The following WWOX variants were observed in gnomAD, a reference collection of about 807,000 sequenced individuals.
WWOX encodes WW domain-containing oxidoreductase.
In WWOX, 69 loss-of-function variants were observed where a neutral mutation model predicts 46.2. The observed-to-expected ratio is 1.49, with a 90% confidence interval of 1.23 to 1.82. The LOEUF (loss-of-function observed/expected upper bound fraction) is 1.82, where lower values mean the gene tolerates loss of function less well. WWOX is among the 40% of genes most tolerant of loss of function. WWOX has a pLI of 0.00. For synonymous variants in WWOX, 359 were observed against 202.6 expected (o/e 1.77, Z -6.56); for missense variants, 919 against 542.6 (o/e 1.69, Z -6.89).
chr16:78,917,336 C>T (rs1042593073), intron 8 of WWOX, among the ~76,000 whole-genome samples: 3 of 152,168 alleles, frequency 2.0e-5, no homozygotes, highest in East Asian at 1.9e-4. Context: ...TGGTGTCCCA[C>T]ACTCAAATAA....
intron 8 of WWOX, among the ~76,000 whole-genome samples, chr16:78,656,109 A>G (rs1255725650): frequency 6.6e-6 from 1 of 152,194 alleles, no homozygotes; most frequent in Non-Finnish European, 1.5e-5. Context: ...ATGGGGAAGA[A>G]TCAAAATTAT....
chr16:79,152,653 G>C (rs2050303630), intron 8 of WWOX, among the ~76,000 whole-genome samples: 1 of 149,602 alleles, frequency 6.7e-6, no homozygotes, highest in East Asian at 2.0e-4. Context: ...CTTGGCGACA[G>C]AGTGAGTCTC....
chr16:78,588,319 C>G (rs1194948336), intron 8 of WWOX, among the ~76,000 whole-genome samples: 2 of 152,138 alleles, frequency 1.3e-5, no homozygotes, highest in African/African-American at 2.4e-5. Context: ...GATAATCTGG[C>G]TATTGCATTT....
chr16:78,286,314 T>G (rs576672335), intron 5 of WWOX, among the ~76,000 whole-genome samples: 12 of 152,304 alleles, frequency 7.9e-5, no homozygotes, highest in African/African-American at 2.4e-4. Flanking sequence ...GGCGAAAAAT[T>G]TGATTAATGT....
At chr16:78,536,541 C>T (rs535697038) in intron 8 of WWOX, among the ~76,000 whole-genome samples, 5 of 152,228 alleles carry the variant, frequency 3.3e-5, no homozygotes, top group South Asian at 4.1e-4. Context: ...GGTGCAACTT[C>T]GCACCACCCT....
rs75602117 is a variant in WWOX at position 79,069,101 on chromosome 16, G to A, written c.1057-142507G>A. Among the ~76,000 whole-genome samples, 462 of 152,244 alleles carry A rather than the reference G, an allele frequency of 3.0e-3. 27 individuals are homozygous for A. In the East Asian group the frequency reaches 0.064, roughly 21 times the overall value. On this transcript the variant is annotated intron_variant, in intron 8 of 8. Coordinates refer to ENST00000566780, the MANE Select transcript of WWOX (RefSeq NM_016373.4). Reference sequence around the variant, plus strand: ...ATGAACTACCTGGAAAGAAAGTGCCGGAACTCCCCACGTGTGACATCTCAC... The same window carrying A: ...ATGAACTACCTGGAAAGAAAGTGCCAGAACTCCCCACGTGTGACATCTCAC...
intron 8 of WWOX, among the ~76,000 whole-genome samples, chr16:79,072,140 G>A (rs1344495259): frequency 1.3e-5 from 2 of 152,076 alleles, no homozygotes; most frequent in African/African-American, 4.8e-5. Flanking sequence ...AAATAAATTA[G>A]TTAGGCATGG....
intron 8 of WWOX, among the ~76,000 whole-genome samples, chr16:78,456,762 A>C (rs142454177): frequency 1.3e-5 from 2 of 152,364 alleles, no homozygotes; most frequent in East Asian, 3.9e-4. Flanking sequence ...TATGTGTAAA[A>C]ATTATCATGC....
intron 6 of WWOX, among the ~76,000 whole-genome samples, chr16:78,387,600 CAGAG>C (rs201388275): frequency 0.011 from 1,618 of 152,052 alleles, 18 homozygotes; most frequent in East Asian, 0.033. Flanking sequence ...GGTGGGGAGA[CAGAG>C]AGACAGACAG....
chr16:78,663,270 T>C (rs72794739), intron 8 of WWOX, among the ~76,000 whole-genome samples: 4,633 of 152,332 alleles, frequency 0.03, 92 homozygotes, highest in Non-Finnish European at 0.047. Flanking sequence ...AACTGACTTC[T>C]TTCATTTAAT....
At chr16:78,535,628 C>T (rs1013335891) in intron 8 of WWOX, 1 of 152,220 alleles carries the variant, frequency 6.6e-6, no homozygotes, top group African/African-American at 2.4e-5. Flanking sequence ...CTGATACCTT[C>T]TGACTGTTAG....
chr16:78,200,147 C>T (rs183371872), intron 5 of WWOX, among the ~76,000 whole-genome samples: 15 of 152,184 alleles, frequency 9.9e-5, no homozygotes, highest in Admixed American at 5.9e-4. Context: ...GACATTGAGT[C>T]AGCTGTAAAA....
At chr16:78,334,168 C>A (rs1024599934) in intron 5 of WWOX, among the ~76,000 whole-genome samples, 1 of 152,156 alleles carries the variant, frequency 6.6e-6, no homozygotes, top group South Asian at 2.1e-4. Flanking sequence ...TAAATGCATT[C>A]GCCTAATGTA....
intron 5 of WWOX, among the ~76,000 whole-genome samples, chr16:78,251,789 C>T (rs930918608): frequency 6.6e-6 from 1 of 152,188 alleles, no homozygotes; most frequent in Non-Finnish European, 1.5e-5. Context: ...TAGTCAGCCT[C>T]TCCCTACTCC....
chr16:78,281,787 C>G (rs1291291428), intron 5 of WWOX, among the ~76,000 whole-genome samples: 2 of 152,100 alleles, frequency 1.3e-5, no homozygotes, highest in Non-Finnish European at 2.9e-5. Context: ...TATAAGAACA[C>G]AGCCGTGTTT....
intron 8 of WWOX, among the ~76,000 whole-genome samples, chr16:78,723,615 T>C (rs1461889892): frequency 2.4e-4 from 21 of 87,412 alleles, no homozygotes; most frequent in African/African-American, 7.7e-4. Context: ...TTCTTTTCTT[T>C]TCTTTTCTTT....
At chr16:78,890,075 C>G (rs954839360) in intron 8 of WWOX, among the ~76,000 whole-genome samples, 3 of 151,830 alleles carry the variant, frequency 2.0e-5, no homozygotes, top group African/African-American at 7.3e-5. Flanking sequence ...ATAATTGCTC[C>G]TAGGGAAATA....
intron 8 of WWOX, among the ~76,000 whole-genome samples, chr16:79,096,794 A>G (rs543607812): frequency 6.6e-6 from 1 of 152,292 alleles, no homozygotes; most frequent in East Asian, 1.9e-4. Context: ...ATAGGTGCTT[A>G]GCAAATTTTT....
At chr16:78,570,018 A>G (rs1567651563) in intron 8 of WWOX, among the ~76,000 whole-genome samples, 1 of 152,222 alleles carries the variant, frequency 6.6e-6, no homozygotes, top group South Asian at 2.1e-4. Context: ...GGAAAGATTA[A>G]AACTCTAAAA....
Sources: gnomAD v4.1 joint callset for allele counts (sites outside exome capture counted in the v4.1 genomes callset) on GRCh38, gnomAD v4.1.1 for gene constraint, MANE v1.5 for transcripts, NCBI Gene and HGNC (gene_info 2026-07-23, HGNC 2026-07-21) for gene names.